MAN1A1: variants seen among roughly 807,000 people sequenced by gnomAD.
The protein encoded by MAN1A1 is mannosyl-oligosaccharide 1,2-alpha-mannosidase IA.
A neutral mutation model predicts 70.8 loss-of-function variants in MAN1A1; 29 were observed. That is an observed-to-expected ratio of 0.41 (90% CI 0.31 to 0.56). MAN1A1 has a LOEUF of 0.56. Among genes scored for constraint, MAN1A1 ranks in the 20% least tolerant of loss-of-function variants. The pLI is 0.29. For missense variants in MAN1A1, 747 were observed against 841.3 expected (o/e 0.89, Z 1.39); for synonymous variants, 349 against 330.1 (o/e 1.06, Z -0.62).
intron 2 of MAN1A1, among the ~76,000 whole-genome samples, chr6:119,348,172 T>G (rs895474503): frequency 1.3e-5 from 2 of 152,170 alleles, no homozygotes; most frequent in African/African-American, 2.4e-5. Flanking sequence ...AGAATGAGGT[T>G]TGCGTATTAC....
intron 6 of MAN1A1, among the ~76,000 whole-genome samples, chr6:119,225,594 C>T (rs768771417): frequency 6.6e-6 from 1 of 152,138 alleles, no homozygotes; most frequent in African/African-American, 2.4e-5. Flanking sequence ...ACATCAAACT[C>T]AAACTTCTGA....
intron 11 of MAN1A1, among the ~76,000 whole-genome samples, chr6:119,184,203 A>G (rs1773227438): frequency 1.3e-5 from 2 of 152,096 alleles, no homozygotes; most frequent in South Asian, 4.1e-4. Context: ...CCAGATCATC[A>G]TTGTACTATA....
At chr6:119,335,288 T>C (rs926045101) in intron 2 of MAN1A1, among the ~76,000 whole-genome samples, 1 of 152,222 alleles carries the variant, frequency 6.6e-6, no homozygotes, top group African/African-American at 2.4e-5. Context: ...TACTATGTAT[T>C]GAATAATGAA....
intron 6 of MAN1A1, among the ~76,000 whole-genome samples, chr6:119,222,760 T>C (rs1774399004): frequency 6.6e-6 from 1 of 152,224 alleles, no homozygotes; most frequent in Non-Finnish European, 1.5e-5. Context: ...TTTAAAATGT[T>C]ATTTATATAA....
rs140012668 is a variant in MAN1A1 at position 119,241,298 on chromosome 6, T to C, written c.992+6962A>G. ...ACTATTAATGAAAGTAAACAAATGA[T>C]AGAAACAGAACACAGGCCCTACTCC... On this transcript the variant is annotated intron_variant, in intron 6 of 12. Coordinates refer to ENST00000368468, the MANE Select transcript of MAN1A1 (RefSeq NM_005907.4). Among the ~76,000 whole-genome samples the C allele has an allele frequency of 1.3e-3, 198 of 152,278 alleles. 2 individuals carry two copies. In the East Asian group the frequency reaches 0.025, roughly 19 times the overall value.
intron 5 of MAN1A1, among the ~76,000 whole-genome samples, chr6:119,249,344 T>G (rs1775256216): frequency 6.6e-6 from 1 of 152,206 alleles, no homozygotes; most frequent in Non-Finnish European, 1.5e-5. Context: ...AAGTCTAGTG[T>G]GCAGAACTGT....
intron 2 of MAN1A1, among the ~76,000 whole-genome samples, chr6:119,318,493 T>C (rs1772913910): frequency 6.6e-6 from 1 of 152,218 alleles, no homozygotes; most frequent in Non-Finnish European, 1.5e-5. Flanking sequence ...GGCTTCCAAA[T>C]AAAGTGTTAC....
intron 6 of MAN1A1, among the ~76,000 whole-genome samples, chr6:119,244,400 G>A (rs1365516483): frequency 6.6e-6 from 1 of 152,004 alleles, no homozygotes; most frequent in African/African-American, 2.4e-5. Flanking sequence ...ATTGGTGAAG[G>A]AAACATGTTA....
intron 2 of MAN1A1, among the ~76,000 whole-genome samples, chr6:119,313,368 T>G (rs1038824092): frequency 3.3e-5 from 5 of 152,166 alleles, no homozygotes; most frequent in African/African-American, 1.2e-4. Context: ...CTAGCTGTCA[T>G]CACCCAGTAT....
Position 119,188,504 on chromosome 6 carries a change from T to C in MAN1A1, c.1620A>G (p.Lys540=). The part of the protein sequence containing the change: ...VEAIATRQNE[K]YYILRPEVME... ...TAACTTCTGGCCGTAAGATGTAGTATTTTTCATTTTGTCTTGTAGCGATGG... is the reference window on the plus strand; with the variant it reads ...TAACTTCTGGCCGTAAGATGTAGTACTTTTCATTTTGTCTTGTAGCGATGG... Residue 540 remains lysine (K), a synonymous_variant, in exon 11 of 13, where the codon AAA becomes AAG. Coordinates refer to ENST00000368468, the MANE Select transcript of MAN1A1 (RefSeq NM_005907.4). The C allele has an allele frequency of 6.2e-7, 1 of 1,614,098 alleles. No individual in the cohort carries two copies. Among genetic ancestry groups the C allele is most frequent in the South Asian group, 1.1e-5 (1 of 91,078 alleles).
At chr6:119,296,668 G>C (rs1772224784) in intron 4 of MAN1A1, among the ~76,000 whole-genome samples, 1 of 151,998 alleles carries the variant, frequency 6.6e-6, no homozygotes, top group Non-Finnish European at 1.5e-5. Context: ...TGAAAAGTAG[G>C]AGGGCATTCC....
At chr6:119,270,423 T>G (rs984166268) in intron 5 of MAN1A1, among the ~76,000 whole-genome samples, 1 of 152,230 alleles carries the variant, frequency 6.6e-6, no homozygotes, top group African/African-American at 2.4e-5. Flanking sequence ...TACACTTTAG[T>G]GGCTTTAGTA....
chr6:119,197,179 G>A (rs1171038784), intron 8 of MAN1A1, among the ~76,000 whole-genome samples: 5 of 151,950 alleles, frequency 3.3e-5, no homozygotes, highest in African/African-American at 1.2e-4. Context: ...TGTAGGGGCG[G>A]GCACCTGTAA....
chr6:119,256,427 T>C (rs927925336), intron 5 of MAN1A1, among the ~76,000 whole-genome samples: 5 of 151,658 alleles, frequency 3.3e-5, no homozygotes, highest in African/African-American at 1.2e-4. Context: ...TTTTTTTTTT[T>C]CATGAGAGAG....
intron 6 of MAN1A1, among the ~76,000 whole-genome samples, chr6:119,207,287 C>T (rs1051681382): frequency 2.0e-5 from 3 of 152,044 alleles, no homozygotes; most frequent in Non-Finnish European, 4.4e-5. Context: ...ATTAAAATCA[C>T]TAGCAGAGGA....
intron 6 of MAN1A1, among the ~76,000 whole-genome samples, chr6:119,243,117 T>A (rs922832891): frequency 1.3e-5 from 2 of 152,096 alleles, no homozygotes; most frequent in African/African-American, 4.8e-5. Flanking sequence ...AAATAAAACA[T>A]AAAGTGTAAG....
At chr6:119,323,482 T>C (rs1179374724) in intron 2 of MAN1A1, among the ~76,000 whole-genome samples, 1 of 152,130 alleles carries the variant, frequency 6.6e-6, no homozygotes, top group African/African-American at 2.4e-5. Flanking sequence ...TTTTTAGCAC[T>C]TAGTTGATGC....
chr6:119,203,733 T>C (rs1021305741), intron 7 of MAN1A1, among the ~76,000 whole-genome samples: 5 of 152,020 alleles, frequency 3.3e-5, no homozygotes, highest in Admixed American at 6.6e-5. Context: ...TTTACCAAGA[T>C]AGCAAAGACT....
chr6:119,264,967 G>A (rs562101038), intron 5 of MAN1A1, among the ~76,000 whole-genome samples: 1 of 152,266 alleles, frequency 6.6e-6, no homozygotes, highest in South Asian at 2.1e-4. Context: ...TGCCAATACT[G>A]TAGATTTGGA....
Sources: gnomAD v4.1 joint callset for allele counts (sites outside exome capture counted in the v4.1 genomes callset) on GRCh38, gnomAD v4.1.1 for gene constraint, MANE v1.5 for transcripts, NCBI Gene and HGNC (gene_info 2026-07-23, HGNC 2026-07-21) for gene names.